The following SHLD1 variants were observed in gnomAD, a reference collection of about 807,000 sequenced individuals.
The protein encoded by SHLD1 is shieldin complex subunit 1, also known as RINN1-REV7-interacting novel NHEJ regulator 3.
SHLD1 carries 3 observed loss-of-function variants against 5.5 expected under a neutral mutation model. The observed-to-expected ratio is 0.54, with a 90% CI of 0.25 to 1.40. The LOEUF is 1.40. SHLD1 is among the 40% of genes most tolerant of loss of function. The pLI is 0.15. For missense variants in SHLD1, 210 were observed against 244.4 expected (o/e 0.86, Z 0.94); for synonymous variants, 92 against 94.3 (o/e 0.98, Z 0.14).
chr20:5,853,792 T>A (rs941886949), intron 2 of SHLD1, among the ~76,000 whole-genome samples: 2 of 152,026 alleles, frequency 1.3e-5, no homozygotes, highest in Non-Finnish European at 2.9e-5. Context: ...TAGCCAGCAC[T>A]GCAACCACCT....
At chr20:5,771,813 AG>A (rs1040277011) in intron 1 of SHLD1, 4 of 214,940 alleles carry the variant, frequency 1.9e-5, no homozygotes, top group Non-Finnish European at 3.7e-5. Flanking sequence ...AGATCTTAGT[AG>A]CCTAGGCATA....
intron 2 of SHLD1, among the ~76,000 whole-genome samples, chr20:5,795,854 G>A (rs1228396303): frequency 1.3e-5 from 2 of 150,326 alleles, no homozygotes; most frequent in East Asian, 2.0e-4. Flanking sequence ...GTTTGGTGGC[G>A]GGCACCTGTA....
chr20:5,753,051 T>A (rs549553828), intron 1 of SHLD1, among the ~76,000 whole-genome samples: 2 of 152,212 alleles, frequency 1.3e-5, no homozygotes, highest in East Asian at 3.9e-4. Context: ...CACCCGCCTC[T>A]GCCTCCCAAA....
At chr20:5,817,416 CT>C (rs2087544899) in intron 2 of SHLD1, among the ~76,000 whole-genome samples, 1 of 137,670 alleles carries the variant, frequency 7.3e-6, no homozygotes, top group Non-Finnish European at 1.6e-5. Context: ...CTCTCTCTCT[CT>C]CTCTCTCTCT....
At chr20:5,798,446 G>A (rs1372738304) in intron 2 of SHLD1, among the ~76,000 whole-genome samples, 1 of 151,164 alleles carries the variant, frequency 6.6e-6, no homozygotes, top group African/African-American at 2.4e-5. Context: ...GGGACTACAG[G>A]CGCCTGCCAC....
rs1301503760 is a variant in SHLD1 at position 5,806,612 on chromosome 20, GTGT to G, written c.178+33573_178+33575del. 6.6e-6 allele frequency among the ~76,000 whole-genome samples: 1 copy of G among 152,230 alleles called. No homozygotes were observed. The highest frequency in any genetic ancestry group is 2.4e-5 in the African/African-American group (1 of 41,458). On this transcript the variant is annotated intron_variant, in intron 2 of 2. Transcript: ENST00000303142. The surrounding 1 kb of genome is among the most constrained non-coding windows in gnomAD (Gnocchi z 7.6). ...GATAGAAGTGGAACAGAGGCCTGCA[GTGT>G]TGTCCCAGGAGCTGTTGAGGGCAGT...
chr20:5,856,854 G>A (rs1600184818), intron 2 of SHLD1, among the ~76,000 whole-genome samples: 1 of 152,208 alleles, frequency 6.6e-6, no homozygotes, highest in Non-Finnish European at 1.5e-5. Flanking sequence ...ATTTGTGGTT[G>A]CAAAAAGTTA....
chr20:5,804,873 A>C (rs151256316), intron 2 of SHLD1, among the ~76,000 whole-genome samples: 1 of 152,304 alleles, frequency 6.6e-6, no homozygotes, highest in African/African-American at 2.4e-5. Flanking sequence ...TTTACCTAAC[A>C]CAGAACTGTG....
intron 2 of SHLD1, among the ~76,000 whole-genome samples, chr20:5,818,567 A>C (rs556866337): frequency 1.8e-4 from 28 of 152,206 alleles, no homozygotes; most frequent in Non-Finnish European, 3.4e-4. Flanking sequence ...TTGGAATCAC[A>C]TACTGGGTTG....
chr20:5,846,728 CG>C (rs1010366926), intron 2 of SHLD1, among the ~76,000 whole-genome samples: 1 of 152,172 alleles, frequency 6.6e-6, no homozygotes, highest in African/African-American at 2.4e-5. Flanking sequence ...TGGACGGGAT[CG>C]GGGGAACCAT....
intron 2 of SHLD1, among the ~76,000 whole-genome samples, chr20:5,798,059 A>C (rs1325958001): frequency 6.6e-6 from 1 of 152,130 alleles, no homozygotes; most frequent in East Asian, 1.9e-4. Context: ...GGTCCATGTG[A>C]TATTGGCTGG....
At chr20:5,750,516 T>TGGGGGGGGGGGGGGGGGGGGGGGGGGG (rs1983681782) in intron 1 of SHLD1, 37 bp downstream of exon 1, 1 of 17,454 alleles carries the variant, frequency 5.7e-5, no homozygotes, top group Admixed American at 6.4e-4. Flanking sequence ...GTTGGAGTGG[T>TGGGGGGGGGGGGGGGGGGGGGGGGGGG]GGGGGCGGGG....
chr20:5,799,851 A>G (rs1015622980), intron 2 of SHLD1, among the ~76,000 whole-genome samples: 1 of 152,210 alleles, frequency 6.6e-6, no homozygotes, highest in Non-Finnish European at 1.5e-5. Flanking sequence ...TAAACATGAG[A>G]ACCTGGAATG....
At chr20:5,758,317 G>GAAGGGAGGGGAGGGGAGGGC (rs1425348217) in intron 1 of SHLD1, among the ~76,000 whole-genome samples, 15 of 124,546 alleles carry the variant, frequency 1.2e-4, no homozygotes, top group African/African-American at 4.4e-4. Flanking sequence ...AAAGGGAAGG[G>GAAGGGAGGGGAGGGGAGGGC]AAGGGAGGGG....
chr20:5,766,336 T>G (rs1403606525), intron 1 of SHLD1, among the ~76,000 whole-genome samples: 1 of 152,246 alleles, frequency 6.6e-6, no homozygotes, highest in Admixed American at 6.5e-5. Flanking sequence ...AACCAGCTGA[T>G]AGCTTGGCTC....
intron 2 of SHLD1, among the ~76,000 whole-genome samples, chr20:5,775,191 A>G (rs1448465744): frequency 4.7e-5 from 7 of 148,080 alleles, no homozygotes; most frequent in Admixed American, 1.3e-4. Flanking sequence ...GGCTCACATC[A>G]CCATACATGG....
At chr20:5,772,459 TG>T (rs1217036692) in intron 1 of SHLD1, among the ~76,000 whole-genome samples, 1 of 152,222 alleles carries the variant, frequency 6.6e-6, no homozygotes, top group African/African-American at 2.4e-5. Context: ...ATACTCAGAA[TG>T]GTGCACAATT....
At chr20:5,784,607 C>T (rs998115457) in intron 2 of SHLD1, among the ~76,000 whole-genome samples, 21 of 151,866 alleles carry the variant, frequency 1.4e-4, no homozygotes, top group Non-Finnish European at 7.4e-5. Flanking sequence ...CCCGCCACCA[C>T]GCCCGGCTAA....
At chr20:5,808,991 T>C (rs2122366357) in intron 2 of SHLD1, among the ~76,000 whole-genome samples, 1 of 152,190 alleles carries the variant, frequency 6.6e-6, no homozygotes, top group East Asian at 1.9e-4. Context: ...TTTAAGGGGG[T>C]GGCATTTTTT....
Sources: allele counts gnomAD v4.1 joint callset (sites outside exome capture counted in the v4.1 genomes callset), GRCh38; gene constraint gnomAD v4.1.1; non-coding constraint Gnocchi (gnomAD v3.1); transcripts MANE v1.5; gene names NCBI Gene and HGNC (gene_info 2026-07-23, HGNC 2026-07-21).